ABR: variants seen among roughly 807,000 people sequenced by gnomAD.
ABR encodes active breakpoint cluster region-related protein.
Under a neutral mutation model 107.2 loss-of-function variants are expected in ABR, and 35 were observed. That is an observed-to-expected ratio of 0.33 (90% CI 0.25 to 0.43). The LOEUF (loss-of-function observed/expected upper bound fraction) is 0.43. ABR is among the 20% of genes least tolerant of loss of function. The pLI is 1.00. For missense variants in ABR, 815 were observed against 1,115.2 expected (o/e 0.73, Z 3.83); for synonymous variants, 498 against 462.0 (o/e 1.08, Z -1.00).
chr17:1,005,953 A>C lies in ABR; in HGVS notation c.*127T>G. The C allele has an allele frequency of 2.2e-6, 2 of 895,364 alleles. No homozygotes were observed. The highest frequency in any genetic ancestry group is 3.5e-6 in the Non-Finnish European group (2 of 568,444). The allele number at this position is 895,364 out of a possible 1,614,324, so 55.5% of individuals were successfully genotyped here. ...AAGACGTACGCATTCCAGTTCTTGGAAGCTGGCTTCCCTCGAGTCTGGAGT... is the reference window on the plus strand; with the variant it reads ...AAGACGTACGCATTCCAGTTCTTGGCAGCTGGCTTCCCTCGAGTCTGGAGT... On this transcript the variant is annotated 3_prime_UTR_variant, in exon 23 of 23. Coordinates refer to ENST00000302538, the MANE Select transcript of ABR (RefSeq NM_021962.5).
intron 2 of ABR, chr17:1,108,883 G>C (rs773369084): frequency 5.9e-6 from 9 of 1,525,860 alleles, no homozygotes; most frequent in African/African-American, 1.4e-5. Flanking sequence ...GCGCACCTTC[G>C]GCAGCGCCGG....
At chr17:1,104,199 T>C (rs1014277303) in intron 2 of ABR, among the ~76,000 whole-genome samples, 3 of 152,090 alleles carry the variant, frequency 2.0e-5, no homozygotes, top group Non-Finnish European at 4.4e-5. Context: ...GCAGTCCTGG[T>C]GGGTTCGTTT....
Position 1,221,617 on chromosome 17 carries a change from G to A in ABR, c.838+7176C>T, listed in dbSNP as rs146914632. 1.1e-3 allele frequency among the ~76,000 whole-genome samples: 160 copies of A among 152,318 alleles called. 2 individuals carry two copies. The highest frequency in any genetic ancestry group is 3.7e-3 in the African/African-American group (152 of 41,566). ...CTATCGACCAATCCCAGGTTCCACG[G>A]AAAATCAGCCCTTAAAGGAGGGGTT... On this transcript the variant is annotated intron_variant, in intron 1 of 22. Transcript: ENST00000574139.
At chr17:1,012,293 C>T (rs1410686456) in intron 18 of ABR, 4 of 642,896 alleles carry the variant, frequency 6.2e-6, no homozygotes, top group Non-Finnish European at 1.2e-5. Flanking sequence ...AGCAGGCAGC[C>T]CACATGAGGA....
At chr17:1,189,770 T>G (rs1452133186), upstream of ABR, among the ~76,000 whole-genome samples, 4 of 152,186 alleles carry the variant, frequency 2.6e-5, no homozygotes, top group Non-Finnish European at 5.9e-5. Context: ...TGCTTCTGAA[T>G]GCTCAGGACT....
intron 1 of ABR, among the ~76,000 whole-genome samples, chr17:1,196,643 C>G (rs1294975767): frequency 3.3e-5 from 5 of 150,644 alleles, no homozygotes; most frequent in African/African-American, 1.2e-4. Flanking sequence ...GAACAAGGCT[C>G]GAGTCCCTGG....
At position 1,005,213 on chromosome 17, in the gene ABR, A is replaced by G. The variant is rs2069933124; in HGVS notation, c.*867T>C. The G allele has an allele frequency of 2.5e-6, 1 of 398,494 alleles. No individual in the cohort carries two copies. Among genetic ancestry groups the G allele is most frequent in the Non-Finnish European group, 4.4e-6 (1 of 226,120 alleles). 24.7% of individuals were successfully genotyped at this position (398,494 alleles called of 1,614,324 possible). A position where few individuals can be genotyped will look rare whatever the true frequency, so the allele number is the denominator to read the frequency against. ...TAGCAGGTCACCTGTGAGTCTTTAC[A>G]CTCAAAGGAAATAGAACAGCAGGGA... is the stretch of plus-strand genomic sequence containing the variant. On this transcript the variant is annotated 3_prime_UTR_variant, in exon 23 of 23. Coordinates refer to ENST00000302538, the MANE Select transcript of ABR (RefSeq NM_021962.5).
At chr17:1,087,845 G>A (rs1202428112) in intron 4 of ABR, among the ~76,000 whole-genome samples, 4 of 152,150 alleles carry the variant, frequency 2.6e-5, no homozygotes, top group Non-Finnish European at 5.9e-5. Context: ...TGCGTCCAGG[G>A]TCACGGTAAT....
At chr17:1,041,623 A>C (rs1241557955) in intron 16 of ABR, among the ~76,000 whole-genome samples, 2 of 152,126 alleles carry the variant, frequency 1.3e-5, no homozygotes, top group East Asian at 3.9e-4. Context: ...ATCCCAGCTA[A>C]CCAGGAGACT....
At chr17:1,159,313 G>GGA (rs202142477) in intron 1 of ABR, among the ~76,000 whole-genome samples, 2 of 25,888 alleles carry the variant, frequency 7.7e-5, no homozygotes, top group South Asian at 1.6e-3. Context: ...CACACACAAG[G>GGA]GAAGTAAGAA....
Position 1,168,143 on chromosome 17 carries a change from G to A in ABR, c.61+11524C>T, listed in dbSNP as rs554663313. Among the ~76,000 whole-genome samples the A allele has an allele frequency of 5.3e-5, 8 of 152,180 alleles. No homozygotes were observed. In the East Asian group the frequency reaches 9.7e-4, roughly 18 times the overall value. ...CTCTACTAAAAATACAAAATTAGCCGGGCATGGTGGCGCACACCTGTAATC... is the reference window on the plus strand; with the variant it reads ...CTCTACTAAAAATACAAAATTAGCCAGGCATGGTGGCGCACACCTGTAATC... On this transcript the variant is annotated intron_variant, in intron 1 of 22. Transcript: ENST00000302538.
intron 16 of ABR, among the ~76,000 whole-genome samples, chr17:1,044,220 G>A (rs1441679284): frequency 6.6e-6 from 1 of 152,168 alleles, no homozygotes; most frequent in Non-Finnish European, 1.5e-5. Flanking sequence ...CCAGCTAAGC[G>A]GACCTGGATG....
intron 16 of ABR, among the ~76,000 whole-genome samples, chr17:1,049,472 A>G (rs893104622): frequency 1.1e-4 from 16 of 152,162 alleles, no homozygotes; most frequent in South Asian, 4.2e-4. Flanking sequence ...AGAAGCATAA[A>G]TACCCTTAAC....
At chr17:1,128,917 AAGGTCTACCTCGGGG>A in intron 1 of ABR, among the ~76,000 whole-genome samples, 3 of 137,342 alleles carry the variant, frequency 2.2e-5, no homozygotes, top group Non-Finnish European at 4.7e-5. Context: ...CCACCCCAGG[AAGGTCTACCTCGGGG>A]CGTTTTTACA....
intron 2 of ABR, among the ~76,000 whole-genome samples, chr17:1,116,236 T>C (rs1218346342): frequency 6.6e-6 from 1 of 152,028 alleles, no homozygotes; most frequent in Non-Finnish European, 1.5e-5. Flanking sequence ...ATAAATTACA[T>C]AAAATAAAAT....
chr17:1,069,557 A>T (rs941914185), intron 9 of ABR, among the ~76,000 whole-genome samples: 1 of 152,138 alleles, frequency 6.6e-6, no homozygotes, highest in Non-Finnish European at 1.5e-5. Flanking sequence ...CTGTAATCCC[A>T]GCTACTCAGG....
rs939883113 is a variant in ABR, at chr17:1,150,524, C to A, written c.62-25157G>T. Among the ~76,000 whole-genome samples the A allele has an allele frequency of 1.3e-5, 2 of 152,172 alleles. No homozygotes were observed. The highest frequency in any genetic ancestry group is 2.4e-5 in the African/African-American group (1 of 41,444). Reference sequence around the variant, plus strand: ...GTGGGCAATACACAGGTTGCCCAAGCGCCGAGAGAGGCCCAGGAGGACGGG... The same window carrying A: ...GTGGGCAATACACAGGTTGCCCAAGAGCCGAGAGAGGCCCAGGAGGACGGG... On this transcript the variant is annotated intron_variant, in intron 1 of 22. Coordinates refer to ENST00000302538, the MANE Select transcript of ABR (RefSeq NM_021962.5). This position sits in a 1 kb window ranked among gnomAD's most constrained non-coding sequence, Gnocchi z 4.8.
At chr17:1,109,185 C>G (rs904602113) in intron 2 of ABR, 90 of 1,321,320 alleles carry the variant, frequency 6.8e-5, no homozygotes, top group Non-Finnish European at 8.6e-5. Flanking sequence ...GCGCGCCCGG[C>G]CTGGGGCTCC....
chr17:1,083,673 G>T, intron 4 of ABR, 46 bp from the exon 5 acceptor site: 1 of 1,430,468 alleles, frequency 7.0e-7, no homozygotes, highest in Non-Finnish European at 9.9e-7. Context: ...GGTGGGAGGG[G>T]AGAGGATTAA....
Sources: gnomAD v4.1 joint callset for allele counts (sites outside exome capture counted in the v4.1 genomes callset) on GRCh38, gnomAD v4.1.1 for gene constraint, Gnocchi (gnomAD v3.1) non-coding constraint, MANE v1.5 for transcripts, NCBI Gene and HGNC (gene_info 2026-07-23, HGNC 2026-07-21) for gene names.